LRRC4C: variants seen among roughly 807,000 people sequenced by gnomAD.
LRRC4C encodes the protein leucine-rich repeat-containing protein 4C.
Under a neutral mutation model 33.6 loss-of-function variants are expected in LRRC4C, and 5 were observed. The observed-to-expected ratio is 0.15, with a 90% CI of 0.08 to 0.31. The LOEUF (loss-of-function observed/expected upper bound fraction) is 0.31, where lower values mean the gene tolerates loss of function less well. Ranked by LOEUF, LRRC4C falls within the 10% of genes least tolerant of loss-of-function variation. The pLI, the probability that LRRC4C is intolerant of heterozygous loss-of-function variation, is 1.00. For missense variants in LRRC4C, 560 were observed against 796.7 expected, an observed-to-expected ratio of 0.70 and a Z score of 3.58; for synonymous variants, 329 against 302.0, an observed-to-expected ratio of 1.09 and a Z score of -0.93.
intron 1 of LRRC4C, among the ~76,000 whole-genome samples, chr11:41,311,824 G>T (rs933506110): frequency 6.6e-6 from 1 of 151,956 alleles, no homozygotes; most frequent in Non-Finnish European, 1.5e-5. Flanking sequence ...TTTTTCTGTC[G>T]TGTGTCATAG....
intron 3 of LRRC4C, among the ~76,000 whole-genome samples, chr11:40,350,533 A>C (rs7940272): frequency 0.31 from 46,919 of 151,854 alleles, 7,558 homozygotes; most frequent in East Asian, 0.54. Flanking sequence ...CATGATTCCT[A>C]CAGTTTTGTT....
At chr11:40,210,262 A>C (rs1053834633) in intron 5 of LRRC4C, among the ~76,000 whole-genome samples, 4 of 151,862 alleles carry the variant, frequency 2.6e-5, no homozygotes, top group Admixed American at 1.3e-4. Flanking sequence ...CAAAAAAAAA[A>C]CAAAAAACAA....
intron 1 of LRRC4C, among the ~76,000 whole-genome samples, chr11:40,964,937 A>G (rs1851236769): frequency 6.6e-6 from 1 of 152,106 alleles, no homozygotes; most frequent in South Asian, 2.1e-4. Flanking sequence ...ATCCCTGAGG[A>G]ATCACCACAC....
chr11:40,758,175 G>A (rs1030157739), intron 2 of LRRC4C, among the ~76,000 whole-genome samples: 1 of 152,044 alleles, frequency 6.6e-6, no homozygotes, highest in Non-Finnish European at 1.5e-5. Flanking sequence ...GCTATGCTAA[G>A]GTGCTCTGGA....
chr11:41,060,440 G>A (rs560218392), intron 1 of LRRC4C, among the ~76,000 whole-genome samples: 2 of 152,294 alleles, frequency 1.3e-5, no homozygotes, highest in South Asian at 4.1e-4. Flanking sequence ...TCATAGTGGT[G>A]GCAGATTTTG....
At chr11:41,260,306 A>C (rs1477825957) in intron 1 of LRRC4C, among the ~76,000 whole-genome samples, 3 of 152,100 alleles carry the variant, frequency 2.0e-5, no homozygotes, top group African/African-American at 7.2e-5. Flanking sequence ...CTTGGAAAAT[A>C]GGATATGTGA....
chr11:41,360,722 A>G (rs1490599514), intron 1 of LRRC4C, among the ~76,000 whole-genome samples: 2 of 152,228 alleles, frequency 1.3e-5, no homozygotes, highest in Non-Finnish European at 2.9e-5. Context: ...TTTAAACAAA[A>G]GAAATAAGGC....
intron 1 of LRRC4C, among the ~76,000 whole-genome samples, chr11:41,144,930 C>T (rs1943663948): frequency 1.3e-5 from 2 of 152,124 alleles, no homozygotes; most frequent in South Asian, 4.1e-4. Flanking sequence ...AGACTAGATG[C>T]AGATTGCCTA....
At chr11:40,829,908 C>T (rs752617109) in intron 2 of LRRC4C, among the ~76,000 whole-genome samples, 63 of 151,994 alleles carry the variant, frequency 4.1e-4, no homozygotes, top group Middle Eastern at 3.4e-3. Flanking sequence ...TGTTTAAAGT[C>T]CCCCAGGAAT....
chr11:40,335,710 T>C (rs1303417565), intron 3 of LRRC4C, among the ~76,000 whole-genome samples: 2 of 152,206 alleles, frequency 1.3e-5, no homozygotes, highest in Non-Finnish European at 2.9e-5. Flanking sequence ...TTTATAAGGG[T>C]GCCTATCTCG....
intron 1 of LRRC4C, among the ~76,000 whole-genome samples, chr11:41,204,016 A>T (rs1946500413): frequency 6.6e-6 from 1 of 152,110 alleles, no homozygotes; most frequent in Non-Finnish European, 1.5e-5. Context: ...TCAGAATAAG[A>T]CCTCATTTTT....
intron 3 of LRRC4C, among the ~76,000 whole-genome samples, chr11:40,453,303 G>A (rs2138103336): frequency 6.6e-6 from 1 of 151,988 alleles, no homozygotes; most frequent in African/African-American, 2.4e-5. Flanking sequence ...TTTTACTTCA[G>A]TGCTTTTGAG....
intron 1 of LRRC4C, among the ~76,000 whole-genome samples, chr11:41,433,857 T>G (rs956764038): frequency 4.6e-5 from 7 of 151,646 alleles, no homozygotes; most frequent in Non-Finnish European, 8.8e-5. Flanking sequence ...AATATATATC[T>G]TATTAATTCT....
intron 1 of LRRC4C, among the ~76,000 whole-genome samples, chr11:41,126,499 C>T (rs766831647): frequency 2.6e-5 from 4 of 151,796 alleles, no homozygotes; most frequent in Non-Finnish European, 4.4e-5. Flanking sequence ...ACCAGAAAGT[C>T]AAAATGTTTT....
chr11:40,650,283 T>C (rs553038041), intron 2 of LRRC4C, among the ~76,000 whole-genome samples: 4 of 152,278 alleles, frequency 2.6e-5, no homozygotes, highest in South Asian at 2.1e-4. Context: ...GACGAAGTGA[T>C]ACTTTAAAAA....
At chr11:40,677,787 A>G (rs1216935233) in intron 2 of LRRC4C, among the ~76,000 whole-genome samples, 1 of 152,184 alleles carries the variant, frequency 6.6e-6, no homozygotes, top group Non-Finnish European at 1.5e-5. Flanking sequence ...GTGACACGTG[A>G]GCAGAGCTGT....
At chr11:40,506,456 C>T (rs1415086118) in intron 3 of LRRC4C, among the ~76,000 whole-genome samples, 1 of 152,120 alleles carries the variant, frequency 6.6e-6, no homozygotes, top group Non-Finnish European at 1.5e-5. Context: ...TTCCTCTGAT[C>T]AGTGAAGTAG....
intron 1 of LRRC4C, among the ~76,000 whole-genome samples, chr11:40,962,209 C>T (rs1851025631): frequency 6.6e-6 from 1 of 151,510 alleles, no homozygotes; most frequent in East Asian, 1.9e-4. Context: ...AAAAAAGGGG[C>T]TATGCTGTGA....
At chr11:40,228,993 C>T (rs139880365) in intron 5 of LRRC4C, among the ~76,000 whole-genome samples, 53 of 152,252 alleles carry the variant, frequency 3.5e-4, no homozygotes, top group African/African-American at 1.3e-3. Context: ...ACAGACCGAA[C>T]AAGATGTGAA....
Sources: allele counts gnomAD v4.1 joint callset (sites outside exome capture counted in the v4.1 genomes callset), GRCh38; gene constraint gnomAD v4.1.1; transcripts MANE v1.5; gene names NCBI Gene and HGNC (gene_info 2026-07-23, HGNC 2026-07-21).